ACCSL: variants seen among roughly 807,000 people sequenced by gnomAD.
ACCSL encodes the protein probable inactive 1-aminocyclopropane-1-carboxylate synthase-like protein 2.
ACCSL carries 55 observed loss-of-function variants against 61.7 expected under a neutral mutation model. The ratio of observed to expected loss-of-function variants is 0.89; its 90% confidence interval spans 0.72 to 1.12. ACCSL has a LOEUF of 1.12. ACCSL is among the 50% of genes most tolerant of loss of function. The probability of loss-of-function intolerance (pLI) is 0.00; values close to 1 mark genes in which losing one functional copy is unlikely to be tolerated. For missense variants in ACCSL, 632 were observed against 698.0 expected (o/e 0.91, Z 1.07); for synonymous variants, 258 against 264.3 (o/e 0.98, Z 0.23).
chr11:43,971,649 G>A, the ACCSL span: 29,826 of 152,238 alleles, frequency 0.2, 3,115 homozygotes, highest in East Asian at 0.23. Context: ...GATCGAGGCT[G>A]GAAAGACATA....
At chr11:43,943,768 ATATT>A in the ACCSL span, 1 of 1,304,118 alleles carries the variant, frequency 7.7e-7, no homozygotes, top group East Asian at 5.6e-5. The surrounding 1 kb of genome is among the most constrained non-coding windows in gnomAD (Gnocchi z 4.8). Context: ...TGGAGGATTG[ATATT>A]TATTTTTGCA....
upstream of ACCSL, among the ~76,000 whole-genome samples, chr11:44,046,425 A>G (rs953382603): frequency 1.3e-5 from 2 of 152,054 alleles, no homozygotes; most frequent in African/African-American, 2.4e-5. Flanking sequence ...TGCCTCTCCT[A>G]CTCATTAACT....
chr11:43,960,254 A>G, the ACCSL span, among the ~76,000 whole-genome samples: 1 of 152,100 alleles, frequency 6.6e-6, no homozygotes, highest in Non-Finnish European at 1.5e-5. Context: ...TGGAATGCCA[A>G]CCCCATAGAA....
the ACCSL span, among the ~76,000 whole-genome samples, chr11:43,969,732 C>T: frequency 1.3e-5 from 2 of 152,222 alleles, no homozygotes; most frequent in Admixed American, 6.5e-5. Flanking sequence ...TGGTGCTGGT[C>T]CCCAGGGCCC....
At chr11:44,051,926 T>C (rs1376394496) in intron 5 of ACCSL, among the ~76,000 whole-genome samples, 1 of 152,194 alleles carries the variant, frequency 6.6e-6, no homozygotes, top group East Asian at 1.9e-4. Context: ...AAGAGAGACA[T>C]GGTGGACCTC....
the ACCSL span, among the ~76,000 whole-genome samples, chr11:43,999,488 C>G: frequency 0.44 from 66,922 of 151,870 alleles, 15,341 homozygotes; most frequent in Middle Eastern, 0.56. Flanking sequence ...GAGGGTTTTT[C>G]GACTGGGGTC....
the ACCSL span, among the ~76,000 whole-genome samples, chr11:43,924,012 C>T: frequency 6.6e-6 from 1 of 152,194 alleles, no homozygotes; most frequent in Non-Finnish European, 1.5e-5. Context: ...AATGTGGACA[C>T]GCCTTCACTG....
At chr11:43,978,197 C>G in the ACCSL span, among the ~76,000 whole-genome samples, 1 of 151,676 alleles carries the variant, frequency 6.6e-6, no homozygotes, top group African/African-American at 2.4e-5. Context: ...TTAGTAGAGA[C>G]AGGGATTTCG....
chr11:43,980,741 TACTGAAAAGCTAGTA>T, the ACCSL span, among the ~76,000 whole-genome samples: 1 of 152,200 alleles, frequency 6.6e-6, no homozygotes, highest in South Asian at 2.1e-4. Context: ...GCCATCTATC[TACTGAAAAGCTAGTA>T]GCTTTTCAGT....
the ACCSL span, among the ~76,000 whole-genome samples, chr11:43,933,738 C>G: frequency 7.9e-5 from 12 of 152,176 alleles, no homozygotes; most frequent in Non-Finnish European, 1.3e-4. Flanking sequence ...CCCAGGTCCA[C>G]AGGCTGGGCT....
the ACCSL span, among the ~76,000 whole-genome samples, chr11:43,966,467 T>A: frequency 6.7e-6 from 1 of 148,644 alleles, no homozygotes; most frequent in African/African-American, 2.5e-5. Context: ...CTTTCATGTA[T>A]AGAGGAGCAT....
intron 6 of ACCSL, 49 bp from the exon 7 acceptor site, chr11:44,052,942 C>T (rs756629121): frequency 6.3e-7 from 1 of 1,576,566 alleles, no homozygotes; most frequent in South Asian, 1.1e-5. Context: ...AATGAGGAAT[C>T]AAGACTTAGA....
chr11:44,049,845 G>C (rs931265797), intron 1 of ACCSL, among the ~76,000 whole-genome samples: 1 of 152,222 alleles, frequency 6.6e-6, no homozygotes, highest in Non-Finnish European at 1.5e-5. Flanking sequence ...TCAATGACTG[G>C]TCGATAGGAC....
the ACCSL span, among the ~76,000 whole-genome samples, chr11:43,963,393 T>C: frequency 2.6e-5 from 4 of 152,232 alleles, no homozygotes; most frequent in African/African-American, 7.2e-5. Context: ...AAGTAATATT[T>C]GTCACTCTGG....
chr11:43,997,982 T>A, the ACCSL span, among the ~76,000 whole-genome samples: 1 of 152,206 alleles, frequency 6.6e-6, no homozygotes, highest in African/African-American at 2.4e-5. Context: ...CAAATCACCA[T>A]CAGTGTAGCA....
chr11:44,016,715 T>A, the ACCSL span, among the ~76,000 whole-genome samples: 1 of 152,014 alleles, frequency 6.6e-6, no homozygotes, highest in Non-Finnish European at 1.5e-5. Flanking sequence ...TGCCAAGAAA[T>A]CCAGCAGACA....
At chr11:44,018,698 T>C in the ACCSL span, among the ~76,000 whole-genome samples, 1 of 152,192 alleles carries the variant, frequency 6.6e-6, no homozygotes, top group Admixed American at 6.5e-5. Context: ...AAAATTCACC[T>C]TTTTCATGCC....
chr11:43,935,662 T>G, the ACCSL span, among the ~76,000 whole-genome samples: 1,004 of 152,352 alleles, frequency 6.6e-3, 12 homozygotes, highest in African/African-American at 0.023. Context: ...ATTTTTTATT[T>G]TTTTTAGAGA....
At chr11:44,059,740 A>G (rs1590434588) in intron 13 of ACCSL, 98 bp from the exon 14 acceptor site, 2 of 935,686 alleles carry the variant, frequency 2.1e-6, no homozygotes, top group East Asian at 5.5e-5. Flanking sequence ...TCCCTGAATG[A>G]GAGGCTTTTA....
Sources: allele counts gnomAD v4.1 joint callset (sites outside exome capture counted in the v4.1 genomes callset), GRCh38; gene constraint gnomAD v4.1.1; non-coding constraint Gnocchi (gnomAD v3.1); transcripts MANE v1.5; gene names NCBI Gene and HGNC (gene_info 2026-07-23, HGNC 2026-07-21).